SATB1: variants seen among roughly 807,000 people sequenced by gnomAD.
SATB1 encodes the protein SATB homeobox 1.
A neutral mutation model predicts 86.9 loss-of-function variants in SATB1; 11 were observed. That is an observed-to-expected ratio of 0.13 (90% confidence interval 0.08 to 0.21). The LOEUF (loss-of-function observed/expected upper bound fraction) is 0.21, where lower values mean the gene tolerates loss of function less well. Among genes scored for constraint, SATB1 ranks in the 10% least tolerant of loss-of-function variants. SATB1 has a pLI of 1.00. For missense variants in SATB1, 551 were observed against 937.6 expected, an observed-to-expected ratio of 0.59 and a Z score of 5.39; for synonymous variants, 357 against 357.2, an observed-to-expected ratio of 1.00 and a Z score of 0.01.
intron 5 of SATB1, among the ~76,000 whole-genome samples, chr3:18,414,055 C>T (rs1292771569): frequency 6.6e-6 from 1 of 152,084 alleles, no homozygotes; most frequent in Non-Finnish European, 1.5e-5. Flanking sequence ...ACTTTGAGAT[C>T]TCTCCACTGC....
chr3:18,432,444 G>C (rs1457044043), intron 2 of SATB1, among the ~76,000 whole-genome samples: 1 of 152,094 alleles, frequency 6.6e-6, no homozygotes, highest in Non-Finnish European at 1.5e-5. Flanking sequence ...TCCTTGTCCA[G>C]GTCATTTTTG....
At chr3:18,396,895 C>T (rs1282320505) in intron 6 of SATB1, among the ~76,000 whole-genome samples, 2 of 152,130 alleles carry the variant, frequency 1.3e-5, no homozygotes, top group Non-Finnish European at 2.9e-5. Flanking sequence ...TTATTCAAGG[C>T]CTGGTTAGGT....
At position 18,354,648 on chromosome 3, in the gene SATB1, G is replaced by A. The variant is rs1009559954; in HGVS notation, c.1576-2453C>T. On this transcript the variant is annotated intron_variant, in intron 9 of 10. Coordinates refer to ENST00000338745, the MANE Select transcript of SATB1 (RefSeq NM_002971.6). ...TTGGAGAGAGCTGAAAAACTCCAGTGATTTTTCACATCCTTTAGGAACTTT... is the reference window on the plus strand; with the variant it reads ...TTGGAGAGAGCTGAAAAACTCCAGTAATTTTTCACATCCTTTAGGAACTTT... 1.1e-4 allele frequency among the ~76,000 whole-genome samples: 16 copies of A among 152,138 alleles called. No homozygotes were observed. The South Asian group carries it at 3.1e-3, about 30-fold the overall frequency.
At chr3:18,434,661 C>T (rs1294889375) in intron 2 of SATB1, among the ~76,000 whole-genome samples, 5 of 151,890 alleles carry the variant, frequency 3.3e-5, no homozygotes, top group African/African-American at 1.2e-4. Flanking sequence ...CTGAGTGATC[C>T]TTCATTAGTT....
At chr3:18,363,765 C>T (rs1695040515) in intron 9 of SATB1, among the ~76,000 whole-genome samples, 1 of 152,106 alleles carries the variant, frequency 6.6e-6, no homozygotes, top group Non-Finnish European at 1.5e-5. Flanking sequence ...TGTAGGCTAA[C>T]AGGAGATGTG....
In SATB1 at chr3:18,349,151, C is replaced by G; in HGVS notation, c.*19G>C. On this transcript the variant is annotated 3_prime_UTR_variant, in exon 11 of 11. Coordinates refer to ENST00000338745, the MANE Select transcript of SATB1 (RefSeq NM_002971.6). This position sits in a 1 kb window ranked among gnomAD's most constrained non-coding sequence, Gnocchi z 5.5. Reference sequence around the variant, plus strand: ...AGTAAATACCAGTGGCACTGTTGAACGAAACAAATACTTTTATCTCAGTCT... The same window carrying G: ...AGTAAATACCAGTGGCACTGTTGAAGGAAACAAATACTTTTATCTCAGTCT... 1 of 1,606,800 alleles carries G rather than the reference C, an allele frequency of 6.2e-7. No individual in the cohort carries two copies. Among genetic ancestry groups the G allele is most frequent in the East Asian group, 2.2e-5 (1 of 44,776 alleles).
chr3:18,357,761 T>A (rs1694720209), intron 9 of SATB1, among the ~76,000 whole-genome samples: 1 of 151,876 alleles, frequency 6.6e-6, no homozygotes, highest in Admixed American at 6.6e-5. Flanking sequence ...AAAACAATAT[T>A]ACAACAGTAT....
At chr3:18,432,236 C>A (rs947386982) in intron 2 of SATB1, among the ~76,000 whole-genome samples, 2 of 152,092 alleles carry the variant, frequency 1.3e-5, no homozygotes, top group Non-Finnish European at 2.9e-5. Context: ...AGTTGCTGTG[C>A]CTTTAATATT....
rs978049644 is a variant in SATB1 at position 18,348,837 on chromosome 3, T to G, written c.*333A>C. ...TCATAATCACAGAAGGTATAATGCT[T>G]GTTTGAGGCTCCGGAATAAGAACTA... is the stretch of plus-strand genomic sequence containing the variant. On this transcript the variant is annotated 3_prime_UTR_variant, in exon 11 of 11. Transcript: ENST00000338745. 4 of 270,568 alleles carry G rather than the reference T, an allele frequency of 1.5e-5. No individual in the cohort carries two copies. The highest frequency in any genetic ancestry group is 2.8e-5 in the Non-Finnish European group (4 of 142,852). 16.8% of individuals were successfully genotyped at this position (270,568 alleles called of 1,614,324 possible).
At position 18,432,213 on chromosome 3, in the gene SATB1, G is replaced by C. The variant is rs192283585; in HGVS notation, c.-25+4576C>G. The stretch of plus-strand genomic sequence containing the variant: ...TCCATGTCAAGGAGCCAACTGCAAA[G>C]CATCCTAGACCTAGTTGCTGTGCCT... On this transcript the variant is annotated intron_variant, in intron 2 of 3. Transcript: ENST00000414509. Among the ~76,000 whole-genome samples the C allele has an allele frequency of 2.6e-5, 4 of 152,246 alleles. No individual in the cohort carries two copies. In the East Asian group the frequency reaches 7.7e-4, roughly 29 times the overall value.
chr3:18,434,616 T>C (rs1698999853), intron 2 of SATB1, among the ~76,000 whole-genome samples: 2 of 152,020 alleles, frequency 1.3e-5, no homozygotes, highest in South Asian at 4.1e-4. Context: ...ATAGAGAAAC[T>C]AGATTTGGGT....
In SATB1 at chr3:18,444,759, G is replaced by A. The variant is rs543093051; in HGVS notation, c.-25+759C>T. On this transcript the variant is annotated intron_variant, in intron 1 of 3. Coordinates refer to the SATB1 transcript ENST00000415069. This position sits in a 1 kb window ranked among gnomAD's most constrained non-coding sequence, Gnocchi z 5.1. ...CCGCCGCCGGAGCTGCGGCTGCCGC[G>A]GAAGTTAATTGCAACTTGACTTCAA... The A allele has an allele frequency of 1.3e-4, 71 of 551,508 alleles. 1 individual carries two copies. Among genetic ancestry groups the A allele is most frequent in the Non-Finnish European group, 1.5e-4 (67 of 434,070 alleles). The allele number at this position is 551,508 out of a possible 1,614,324, so 34.2% of individuals were successfully genotyped here.
intron 9 of SATB1, among the ~76,000 whole-genome samples, chr3:18,366,695 T>C (rs1319127401): frequency 1.3e-5 from 2 of 151,996 alleles, no homozygotes; most frequent in African/African-American, 4.8e-5. Flanking sequence ...ATAGGGAGAG[T>C]TCCCAGTCAT....
chr3:18,386,389 G>A lies in SATB1; in HGVS notation c.1419+10C>T, dbSNP rs367643459. On this transcript the variant is annotated intron_variant, in intron 8 of 10. Coordinates refer to ENST00000338745, the MANE Select transcript of SATB1 (RefSeq NM_002971.6). This position sits in a 1 kb window ranked among gnomAD's most constrained non-coding sequence, Gnocchi z 4.5. ...AACAAAGAAGGGCAAGGAGGAAAAG[G>A]AGACCGCACCTGGGGAGGACGGCTG... The A allele has an allele frequency of 6.2e-6, 10 of 1,607,066 alleles. No individual in the cohort carries two copies. The African/African-American group carries it at 1.3e-4, about 21-fold the overall frequency.
intron 4 of SATB1, 33 bp from the exon 5 acceptor site, chr3:18,415,267 T>C (rs761330619): frequency 6.2e-7 from 1 of 1,611,240 alleles, no homozygotes; most frequent in South Asian, 1.1e-5. Context: ...AGGGGATTAT[T>C]ACAAGATTGC....
Position 18,349,757 on chromosome 3 carries a change from AAT to A in SATB1, c.1780-77_1780-76del, listed in dbSNP as rs775788475. The A allele has an allele frequency of 7.0e-5, 106 of 1,508,892 alleles. No homozygotes were observed. The highest frequency in any genetic ancestry group is 9.2e-5 in the Non-Finnish European group (104 of 1,130,338). 93.5% of individuals were successfully genotyped at this position (1,508,892 alleles called of 1,614,324 possible). A position where few individuals can be genotyped will look rare whatever the true frequency, so the allele number is the denominator to read the frequency against. On this transcript the variant is annotated intron_variant, in intron 10 of 10. Coordinates refer to ENST00000338745, the MANE Select transcript of SATB1 (RefSeq NM_002971.6). This position sits in a 1 kb window ranked among gnomAD's most constrained non-coding sequence, Gnocchi z 5.5. ...CACAAAGCCGTCTCCAATCAGGAAA[AAT>A]GTGGTCCCGGATCCTACATATAGCT...
intron 5 of SATB1, among the ~76,000 whole-genome samples, chr3:18,404,129 G>T (rs1387774431): frequency 6.6e-6 from 1 of 152,054 alleles, no homozygotes; most frequent in East Asian, 1.9e-4. Flanking sequence ...GACAAGAAAT[G>T]AATTTGTTGA....
rs200662577 is a variant in SATB1 at position 18,378,362 on chromosome 3, T to G, written c.1420-37A>C. On this transcript the variant is annotated intron_variant, in intron 8 of 10. Coordinates refer to ENST00000338745, the MANE Select transcript of SATB1 (RefSeq NM_002971.6). ...TTTGAACATGGCTGTCATTTTTCAT[T>G]GGCTGAATTGTTTTGAAGCTTCTCA... 2.7e-4 allele frequency: 439 copies of G among 1,604,770 alleles called. No homozygotes were observed. In the African/African-American group the frequency reaches 5.0e-3, roughly 18 times the overall value.
At chr3:18,414,985 G>A (rs974071873) in intron 5 of SATB1, 126 bp downstream of exon 5, 10 of 1,041,542 alleles carry the variant, frequency 9.6e-6, no homozygotes, top group Admixed American at 2.1e-5. Context: ...CAGTGGTCAA[G>A]TCACTTTGCA....
Sources: allele counts gnomAD v4.1 joint callset (sites outside exome capture counted in the v4.1 genomes callset), GRCh38; gene constraint gnomAD v4.1.1; non-coding constraint Gnocchi (gnomAD v3.1); transcripts MANE v1.5; gene names NCBI Gene and HGNC (gene_info 2026-07-23, HGNC 2026-07-21).